Variants in GNG12 observed in about 807,000 individuals in gnomAD.
GNG12 encodes the protein G protein subunit gamma 12.
For synonymous variants in GNG12, 28 were observed against 29.7 expected (o/e 0.94, Z 0.19); for missense variants, 69 against 83.8 (o/e 0.82, Z 0.69).
rs2100839189 is a variant in GNG12 at position 67,833,327 on chromosome 1, C to G, written c.-77+17G>C. ...GGGGACCCGACTCACCACCCGCGCC[C>G]GCCGCTTGGTACTCACCCGCCTGCC... On this transcript the variant is annotated intron_variant, in intron 1 of 3. Transcript: ENST00000370982. 2.1e-6 allele frequency: 2 copies of G among 959,906 alleles called. No individual in the cohort carries two copies. The highest frequency in any genetic ancestry group is 1.2e-6 in the Non-Finnish European group (1 of 806,316). The allele number at this position is 959,906 out of a possible 1,614,324, so 59.5% of individuals were successfully genotyped here. A position where few individuals can be genotyped will look rare whatever the true frequency, so the allele number is the denominator to read the frequency against.
At chr1:67,755,732 T>C (rs544607499) in intron 2 of GNG12, among the ~76,000 whole-genome samples, 18 of 152,278 alleles carry the variant, frequency 1.2e-4, no homozygotes, top group Non-Finnish European at 2.4e-4. Context: ...AAGTGGATAC[T>C]CAAAATGTTT....
At chr1:67,797,995 T>G (rs1646842209) in intron 1 of GNG12, among the ~76,000 whole-genome samples, 1 of 152,154 alleles carries the variant, frequency 6.6e-6, no homozygotes, top group South Asian at 2.1e-4. Flanking sequence ...CTAATTAAAC[T>G]AGCCCACCCT....
chr1:67,820,523 C>G (rs1646979202), intron 1 of GNG12, among the ~76,000 whole-genome samples: 2 of 152,184 alleles, frequency 1.3e-5, no homozygotes, highest in Non-Finnish European at 2.9e-5. Flanking sequence ...CCCTGTGTCC[C>G]TTCCACTCCC....
intron 1 of GNG12, among the ~76,000 whole-genome samples, chr1:67,801,058 G>A (rs1210517625): frequency 2.0e-5 from 3 of 152,070 alleles, no homozygotes; most frequent in Non-Finnish European, 4.4e-5. Flanking sequence ...AGGAGCACAA[G>A]ACAAAGCAAA....
At chr1:67,711,735 C>T (rs1345649203) in intron 2 of GNG12, among the ~76,000 whole-genome samples, 1 of 152,140 alleles carries the variant, frequency 6.6e-6, no homozygotes, top group Non-Finnish European at 1.5e-5. Context: ...TCAGAGAATG[C>T]CTCTGCCTAC....
chr1:67,745,844 C>T (rs544052450), intron 2 of GNG12, among the ~76,000 whole-genome samples: 4 of 152,274 alleles, frequency 2.6e-5, no homozygotes, highest in African/African-American at 4.8e-5. Flanking sequence ...CTTGTTTCTC[C>T]ATCCCCCTAG....
chr1:67,817,791 T>C (rs11578063), intron 1 of GNG12, among the ~76,000 whole-genome samples: 173 of 81,300 alleles, frequency 2.1e-3, no homozygotes, highest in South Asian at 9.2e-3. Flanking sequence ...TTCTTTCTTT[T>C]TTTTTTTTTT....
rs139592374 is a variant in GNG12, at chr1:67,818,761, G to A, written c.-77+14583C>T. Among the ~76,000 whole-genome samples, 479 of 152,104 alleles carry A rather than the reference G, an allele frequency of 3.1e-3. 2 individuals carry two copies. The highest frequency in any genetic ancestry group is 0.011 in the African/African-American group (459 of 41,514). ...GTTCACTGAGGATTTCTGTGTGGCC[G>A]GCATGGTTATGAGTGCTTCACACCT... On this transcript the variant is annotated intron_variant, in intron 1 of 3. Coordinates refer to ENST00000370982, the MANE Select transcript of GNG12 (RefSeq NM_018841.6).
chr1:67,712,892 C>A (rs1282959601), intron 2 of GNG12, among the ~76,000 whole-genome samples: 2 of 150,718 alleles, frequency 1.3e-5, no homozygotes, highest in South Asian at 2.1e-4. Flanking sequence ...CCAAGCCTGG[C>A]TAATTTTTGT....
chr1:67,784,287 A>G (rs563542078), intron 1 of GNG12, among the ~76,000 whole-genome samples: 11 of 130,218 alleles, frequency 8.4e-5, no homozygotes, highest in African/African-American at 3.2e-4. Flanking sequence ...GGACACAGGA[A>G]GGGGAACATC....
intron 1 of GNG12, among the ~76,000 whole-genome samples, chr1:67,808,801 T>A (rs2265758): frequency 0.6 from 91,858 of 151,966 alleles, 27,988 homozygotes; most frequent in Middle Eastern, 0.73. Context: ...TCTAAGAAGA[T>A]CTAAATGAAA....
chr1:67,797,647 T>C (rs1646839991), intron 1 of GNG12, among the ~76,000 whole-genome samples: 2 of 152,138 alleles, frequency 1.3e-5, no homozygotes, highest in Admixed American at 1.3e-4. Context: ...AATCCCAACT[T>C]ATTTCACTCA....
chr1:67,800,035 G>C (rs1331157594), intron 1 of GNG12, among the ~76,000 whole-genome samples: 1 of 152,178 alleles, frequency 6.6e-6, no homozygotes, highest in Non-Finnish European at 1.5e-5. Flanking sequence ...ACCAAAACTT[G>C]ATAAGTAGTG....
rs1646228689 is a variant in GNG12, at chr1:67,703,777, A to T, written c.*1674T>A. Reference sequence around the variant, plus strand: ...GGAGAAATACTGAATAAATGTGAGCAGTTTGAAAACAGTAATGCATTTGTC... The same window carrying T: ...GGAGAAATACTGAATAAATGTGAGCTGTTTGAAAACAGTAATGCATTTGTC... On this transcript the variant is annotated 3_prime_UTR_variant, in exon 4 of 4. Transcript: ENST00000370982. 6.6e-6 allele frequency: 1 copy of T among 152,276 alleles called. No individual in the cohort carries two copies. The highest frequency in any genetic ancestry group is 2.4e-5 in the African/African-American group (1 of 41,474). The allele number at this position is 152,276 out of a possible 1,614,324, so 9.4% of individuals were successfully genotyped here. A position where few individuals can be genotyped will look rare whatever the true frequency, so the allele number is the denominator to read the frequency against.
chr1:67,709,995 T>C (rs1570474631), intron 2 of GNG12, among the ~76,000 whole-genome samples: 1 of 48,486 alleles, frequency 2.1e-5, no homozygotes. Context: ...TAGTTATATA[T>C]ATAGTTATAT....
intron 1 of GNG12, among the ~76,000 whole-genome samples, chr1:67,832,609 TAA>T (rs34077158): frequency 1.4e-5 from 2 of 145,694 alleles, no homozygotes. Context: ...GGGCAATAAT[TAA>T]AAAAAAAAAA....
intron 2 of GNG12, among the ~76,000 whole-genome samples, chr1:67,746,730 C>T (rs895536543): frequency 5.9e-5 from 9 of 152,154 alleles, no homozygotes; most frequent in African/African-American, 1.7e-4. Context: ...ACGCTTAAGA[C>T]CCAGAGAGTA....
chr1:67,818,666 T>C (rs370200374), intron 1 of GNG12, among the ~76,000 whole-genome samples: 11 of 151,778 alleles, frequency 7.2e-5, no homozygotes, highest in African/African-American at 2.2e-4. Context: ...AAGGTGGAGG[T>C]AGGAGCTATT....
chr1:67,795,858 C>T (rs1570555813), intron 1 of GNG12, among the ~76,000 whole-genome samples: 1 of 152,116 alleles, frequency 6.6e-6, no homozygotes. Flanking sequence ...GGCAGGCAGA[C>T]CAACAGAGAA....
Sources: allele counts gnomAD v4.1 joint callset (sites outside exome capture counted in the v4.1 genomes callset), GRCh38; gene constraint gnomAD v4.1.1; transcripts MANE v1.5; gene names NCBI Gene and HGNC (gene_info 2026-07-23, HGNC 2026-07-21).